Variants in MTHFS observed in about 807,000 individuals in gnomAD.
MTHFS encodes the protein methenyltetrahydrofolate synthetase.
MTHFS carries 7 observed loss-of-function variants against 12.7 expected under a neutral mutation model. That is an observed-to-expected ratio of 0.55 (90% CI 0.31 to 1.03). The LOEUF (loss-of-function observed/expected upper bound fraction) is 1.03. MTHFS is among the 50% of genes least tolerant of loss of function. The pLI, the probability that MTHFS is intolerant of heterozygous loss-of-function variation, is 0.05. For missense variants in MTHFS, 252 were observed against 258.1 expected, an observed-to-expected ratio of 0.98 and a Z score of 0.16; for synonymous variants, 100 against 97.1, an observed-to-expected ratio of 1.03 and a Z score of -0.18.
intron 2 of MTHFS, among the ~76,000 whole-genome samples, chr15:79,884,470 C>T (rs905205432): frequency 6.6e-6 from 1 of 152,106 alleles, no homozygotes; most frequent in Non-Finnish European, 1.5e-5. Context: ...ATGACCTGTA[C>T]AGAAAGGTAC....
intron 2 of MTHFS, among the ~76,000 whole-genome samples, chr15:79,865,462 C>A (rs2033992760): frequency 6.6e-6 from 1 of 152,186 alleles, no homozygotes; most frequent in Non-Finnish European, 1.5e-5. Context: ...AAATGGCTGC[C>A]TTGGGAAGAG....
At chr15:79,874,874 T>C (rs962353263) in intron 2 of MTHFS, among the ~76,000 whole-genome samples, 7 of 152,142 alleles carry the variant, frequency 4.6e-5, no homozygotes, top group Admixed American at 1.3e-4. Flanking sequence ...ATCTCCCTTG[T>C]TCCCTGAACA....
intron 2 of MTHFS, among the ~76,000 whole-genome samples, chr15:79,866,049 T>G (rs2034004875): frequency 6.7e-6 from 1 of 150,058 alleles, no homozygotes; most frequent in Non-Finnish European, 1.5e-5. Flanking sequence ...TTTATAAGTT[T>G]TTTTTTTTTT....
chr15:79,895,205 GC>G (rs1382258585), intron 1 of MTHFS, among the ~76,000 whole-genome samples: 2 of 152,162 alleles, frequency 1.3e-5, no homozygotes, highest in Non-Finnish European at 2.9e-5. Context: ...CAGTTCCAAA[GC>G]CCATGCTAAA....
chr15:79,872,809 C>A (rs986555318), intron 2 of MTHFS, among the ~76,000 whole-genome samples: 1 of 152,198 alleles, frequency 6.6e-6, no homozygotes, highest in African/African-American at 2.4e-5. Flanking sequence ...TCATCGTCTG[C>A]TGGTTTCTGC....
intron 2 of MTHFS, among the ~76,000 whole-genome samples, chr15:79,883,521 C>T (rs1288037525): frequency 1.3e-5 from 2 of 152,134 alleles, no homozygotes; most frequent in Non-Finnish European, 1.5e-5. Context: ...ATTAATAAAA[C>T]GTGCTAATAT....
At chr15:79,856,546 G>A (rs1466149789) in intron 2 of MTHFS, among the ~76,000 whole-genome samples, 1 of 152,158 alleles carries the variant, frequency 6.6e-6, no homozygotes, top group Non-Finnish European at 1.5e-5. Context: ...CTAATTAAAT[G>A]AAGTCTTGAA....
chr15:79,882,287 C>T (rs2034309093), intron 2 of MTHFS, among the ~76,000 whole-genome samples: 1 of 152,134 alleles, frequency 6.6e-6, no homozygotes, highest in South Asian at 2.1e-4. Context: ...TGCTGACAGT[C>T]ACTGGTGGGA....
intron 2 of MTHFS, among the ~76,000 whole-genome samples, chr15:79,872,678 T>C (rs977565969): frequency 3.3e-5 from 5 of 152,336 alleles, no homozygotes; most frequent in African/African-American, 1.2e-4. Context: ...AATTTCCAGG[T>C]TGTTGCCATG....
chr15:79,894,660 CTTT>C (rs2034535765), intron 1 of MTHFS, among the ~76,000 whole-genome samples: 1 of 152,192 alleles, frequency 6.6e-6, no homozygotes, highest in Non-Finnish European at 1.5e-5. Context: ...CTGAATTCAT[CTTT>C]ATTTTCCCCA....
Position 79,896,990 on chromosome 15 carries a change from T to C in MTHFS, c.-2A>G. ...GCTGCTCACCGCTGCCGCCGCCATC[T>C]CACGCCCAAGCCGAGTCCAGTCCCG... On this transcript the variant is annotated 5_prime_UTR_variant, in exon 1 of 3. Coordinates refer to ENST00000258874, the MANE Select transcript of MTHFS (RefSeq NM_006441.4). 6.5e-7 allele frequency: 1 copy of C among 1,528,338 alleles called. No individual in the cohort carries two copies. 94.7% of individuals were successfully genotyped at this position (1,528,338 alleles called of 1,614,324 possible).
rs1331303414 is a variant in MTHFS, at chr15:79,845,367, T to C, written c.455A>G (p.Tyr152Cys). 26 of 1,614,098 alleles carry C rather than the reference T, an allele frequency of 1.6e-5. No individual in the cohort carries two copies. The highest frequency in any genetic ancestry group is 1.6e-4 in the Middle Eastern group (1 of 6,084). ...ACAGCGCTTCAGATAGGCATCATAGTAGCCCTTGCCCCTCCCCAGTCGGTT... is the reference window on the plus strand; with the variant it reads ...ACAGCGCTTCAGATAGGCATCATAGCAGCCCTTGCCCCTCCCCAGTCGGTT... Reference protein sequence around the residue: ...HGNRLGRGKGYYDAYLKRCLQ... With the variant: ...HGNRLGRGKGCYDAYLKRCLQ... Residue 152 changes from tyrosine to cysteine, a missense_variant, in exon 3 of 3, where the codon TAC becomes TGC. Physicochemically the swap from Tyr to Cys is radical, Grantham distance 194 (BLOSUM62 -2). Coordinates refer to ENST00000258874, the MANE Select transcript of MTHFS (RefSeq NM_006441.4).
intron 1 of MTHFS, 71 bp from the exon 2 acceptor site, chr15:79,889,425 TTC>T: frequency 1.4e-6 from 2 of 1,468,474 alleles, no homozygotes; most frequent in South Asian, 1.3e-5. Context: ...AATTCCTCCT[TTC>T]TCTCTCAGCC....
chr15:79,866,046 GTT>G (rs34470808), intron 2 of MTHFS, among the ~76,000 whole-genome samples: 57 of 146,330 alleles, frequency 3.9e-4, no homozygotes, highest in South Asian at 2.6e-3. Context: ...AATTTTATAA[GTT>G]TTTTTTTTTT....
intron 2 of MTHFS, among the ~76,000 whole-genome samples, chr15:79,880,791 C>CAA (rs200480158): frequency 0.19 from 20,673 of 106,556 alleles, 1,628 homozygotes; most frequent in Non-Finnish European, 0.25. Flanking sequence ...AGTAGTAAAG[C>CAA]AAAAAAAAAA....
At chr15:79,887,496 A>G (rs1711723421) in intron 2 of MTHFS, among the ~76,000 whole-genome samples, 1 of 152,244 alleles carries the variant, frequency 6.6e-6, no homozygotes, top group African/African-American at 2.4e-5. Flanking sequence ...GAGGAAACCA[A>G]GTAAAATTCC....
chr15:79,854,502 G>C (rs1037005660), intron 2 of MTHFS, among the ~76,000 whole-genome samples: 1 of 152,196 alleles, frequency 6.6e-6, no homozygotes, highest in African/African-American at 2.4e-5. Flanking sequence ...TAAGCAAGTA[G>C]AAAAGATAGA....
At chr15:79,874,535 T>C (rs2034156792) in intron 2 of MTHFS, among the ~76,000 whole-genome samples, 1 of 152,184 alleles carries the variant, frequency 6.6e-6, no homozygotes. Context: ...TTGATCTGAC[T>C]CATAGCTCTC....
rs143616513 is a variant in MTHFS at position 79,896,118 on chromosome 15, C to T, written c.117+754G>A. ...AAGTAATGAAACAGAGGTCTGCTAA[C>T]CAACAAACACGGACCCTCACTTATT... is the stretch of plus-strand genomic sequence containing the variant. On this transcript the variant is annotated intron_variant, in intron 1 of 2. Coordinates refer to ENST00000258874, the MANE Select transcript of MTHFS (RefSeq NM_006441.4). Among the ~76,000 whole-genome samples, 8 of 152,316 alleles carry T rather than the reference C, an allele frequency of 5.3e-5. No homozygotes were observed. The East Asian group carries it at 7.7e-4, about 15-fold the overall frequency.
Sources: allele counts gnomAD v4.1 joint callset (sites outside exome capture counted in the v4.1 genomes callset), GRCh38; gene constraint gnomAD v4.1.1; transcripts MANE v1.5; gene names NCBI Gene and HGNC (gene_info 2026-07-23, HGNC 2026-07-21).